CNNM2: variants seen among roughly 807,000 people sequenced by gnomAD.
CNNM2 encodes cyclin and CBS domain divalent metal cation transport mediator 2.
CNNM2 carries 12 observed loss-of-function variants against 66.9 expected under a neutral mutation model. That is an observed-to-expected ratio of 0.18 (90% CI 0.11 to 0.29). CNNM2 has a LOEUF of 0.29. Among genes scored for constraint, CNNM2 ranks in the 10% least tolerant of loss-of-function variants. The probability of loss-of-function intolerance (pLI) is 1.00; values close to 1 mark genes in which losing one functional copy is unlikely to be tolerated. For synonymous variants in CNNM2, 557 were observed against 501.8 expected (o/e 1.11, Z -1.47); for missense variants, 705 against 1,167.7 (o/e 0.60, Z 5.77).
At chr10:103,070,304 C>G (rs906390083) in intron 5 of CNNM2, among the ~76,000 whole-genome samples, 5 of 152,202 alleles carry the variant, frequency 3.3e-5, no homozygotes, top group African/African-American at 1.2e-4. Flanking sequence ...CCATCACAGG[C>G]AGGTCGTGTG....
chr10:102,925,076 C>A (rs1452502123), intron 1 of CNNM2, among the ~76,000 whole-genome samples: 1 of 151,784 alleles, frequency 6.6e-6, no homozygotes, highest in East Asian at 1.9e-4. Context: ...ACGGGTGGAT[C>A]ACCTGAGGAA....
intron 1 of CNNM2, among the ~76,000 whole-genome samples, chr10:103,009,569 T>TA (rs1259860334): frequency 6.7e-6 from 1 of 149,426 alleles, no homozygotes; most frequent in African/African-American, 2.5e-5. Flanking sequence ...TGTGTTCCTA[T>TA]AGTCTCAGGT....
chr10:102,974,622 A>G (rs2063595576), intron 1 of CNNM2, among the ~76,000 whole-genome samples: 1 of 151,702 alleles, frequency 6.6e-6, no homozygotes, highest in African/African-American at 2.4e-5. Flanking sequence ...CCCAGGCTGG[A>G]GTGCAGTGGT....
chr10:102,929,057 C>T (rs923406649), intron 1 of CNNM2, among the ~76,000 whole-genome samples: 8 of 151,294 alleles, frequency 5.3e-5, no homozygotes, highest in Non-Finnish European at 1.0e-4. Context: ...GTCAGGAGTT[C>T]AAGACCAGCA....
intron 1 of CNNM2, among the ~76,000 whole-genome samples, chr10:102,997,803 A>G (rs960659423): frequency 3.3e-5 from 5 of 152,168 alleles, no homozygotes; most frequent in Non-Finnish European, 1.5e-5. Flanking sequence ...TTGCAGTCCC[A>G]TTAGATTTCT....
chr10:103,031,775 A>G (rs965749919), intron 1 of CNNM2, among the ~76,000 whole-genome samples: 3 of 151,956 alleles, frequency 2.0e-5, no homozygotes, highest in Admixed American at 1.3e-4. Flanking sequence ...CAATTCCACT[A>G]GAACCTTTTT....
intron 2 of CNNM2, among the ~76,000 whole-genome samples, chr10:103,053,326 G>A (rs2065245899): frequency 6.6e-6 from 1 of 152,116 alleles, no homozygotes; most frequent in Admixed American, 6.5e-5. Flanking sequence ...ACCAGCCTGG[G>A]TAACATAGTG....
At chr10:103,038,590 C>T (rs1448257859) in intron 1 of CNNM2, among the ~76,000 whole-genome samples, 3 of 152,170 alleles carry the variant, frequency 2.0e-5, no homozygotes, top group Admixed American at 6.5e-5. Flanking sequence ...AAACCTCTAC[C>T]CTCACCAAAA....
At chr10:103,016,729 A>G (rs2064458560) in intron 1 of CNNM2, among the ~76,000 whole-genome samples, 1 of 152,120 alleles carries the variant, frequency 6.6e-6, no homozygotes, top group African/African-American at 2.4e-5. Context: ...TGCCTACTTG[A>G]TGATCCTTCT....
intron 1 of CNNM2, among the ~76,000 whole-genome samples, chr10:103,023,761 T>G (rs549589037): frequency 6.6e-6 from 1 of 152,304 alleles, no homozygotes; most frequent in East Asian, 1.9e-4. Context: ...GATGGAATCA[T>G]TAAAAATTAT....
At chr10:103,011,080 A>G (rs775766102) in intron 1 of CNNM2, among the ~76,000 whole-genome samples, 3 of 152,220 alleles carry the variant, frequency 2.0e-5, no homozygotes, top group Non-Finnish European at 2.9e-5. Context: ...AACATCCACC[A>G]CAATGCGTAG....
chr10:103,075,419 T>C (rs2065672862), intron 6 of CNNM2, among the ~76,000 whole-genome samples: 1 of 152,174 alleles, frequency 6.6e-6, no homozygotes, highest in African/African-American at 2.4e-5. Context: ...CCTTCCACTT[T>C]GTTTTAAGGG....
intron 1 of CNNM2, among the ~76,000 whole-genome samples, chr10:102,949,698 G>A (rs890435962): frequency 6.6e-6 from 1 of 152,084 alleles, no homozygotes; most frequent in African/African-American, 2.4e-5. Flanking sequence ...GCAGGAATCT[G>A]GAAGGTGCTT....
chr10:103,018,540 G>C lies in CNNM2; in HGVS notation c.1622-31167G>C, dbSNP rs550628642. 1.2e-4 allele frequency among the ~76,000 whole-genome samples: 18 copies of C among 152,144 alleles called. No individual in the cohort carries two copies. The East Asian group carries it at 3.5e-3, about 29-fold the overall frequency. The stretch of plus-strand genomic sequence containing the variant: ...CTCAAATGAAGAAGTATAGACAGAA[G>C]AAAAGAGATCCAAAAGTGGAGGTTC... On this transcript the variant is annotated intron_variant, in intron 1 of 7. Transcript: ENST00000369878.
rs1270619336 is a variant in CNNM2 at position 102,918,798 on chromosome 10, C to T, written c.318C>T (p.Tyr106=). ...SERTRVKLRV[Y]GQNINNETWS... is the part of the protein sequence containing the mutation. Reference sequence around the variant, plus strand: ...GGACCCGGGTCAAGCTGCGGGTGTACGGGCAGAACATCAATAACGAGACGT... The same window carrying T: ...GGACCCGGGTCAAGCTGCGGGTGTATGGGCAGAACATCAATAACGAGACGT... Residue 106 remains tyrosine, a synonymous_variant, in exon 1 of 8, where the codon TAC becomes TAT. Coordinates refer to ENST00000369878, the MANE Select transcript of CNNM2 (RefSeq NM_017649.5). The surrounding 1 kb of genome is among the most constrained non-coding windows in gnomAD (Gnocchi z 4.1). The T allele has an allele frequency of 1.9e-6, 3 of 1,599,740 alleles. No individual in the cohort carries two copies. The highest frequency in any genetic ancestry group is 1.7e-4 in the Middle Eastern group (1 of 6,036).
intron 1 of CNNM2, among the ~76,000 whole-genome samples, chr10:103,040,117 A>G (rs2065013003): frequency 1.3e-5 from 2 of 152,100 alleles, no homozygotes; most frequent in Non-Finnish European, 2.9e-5. Flanking sequence ...TAATGAGCCA[A>G]GATTGTACCA....
chr10:103,070,589 C>A (rs969931427), intron 5 of CNNM2, among the ~76,000 whole-genome samples: 1 of 152,114 alleles, frequency 6.6e-6, no homozygotes, highest in Non-Finnish European at 1.5e-5. Context: ...ATTACTGGTT[C>A]CTGAAACATA....
chr10:102,995,566 G>A (rs1350256240), intron 1 of CNNM2, among the ~76,000 whole-genome samples: 1 of 151,722 alleles, frequency 6.6e-6, no homozygotes, highest in Non-Finnish European at 1.5e-5. Flanking sequence ...TCTATTATAT[G>A]TAGAGTTTTT....
At chr10:103,032,010 G>T (rs2064833341) in intron 1 of CNNM2, among the ~76,000 whole-genome samples, 1 of 152,234 alleles carries the variant, frequency 6.6e-6, no homozygotes, top group Non-Finnish European at 1.5e-5. Context: ...CTGCAAGCCT[G>T]CGTGAACTAG....
Sources: allele counts gnomAD v4.1 joint callset (sites outside exome capture counted in the v4.1 genomes callset), GRCh38; gene constraint gnomAD v4.1.1; non-coding constraint Gnocchi (gnomAD v3.1); transcripts MANE v1.5; gene names NCBI Gene and HGNC (gene_info 2026-07-23, HGNC 2026-07-21).